The following GOSR1 variants were observed in gnomAD, a reference collection of about 807,000 sequenced individuals.
GOSR1 encodes the protein golgi SNAP receptor complex member 1.
Under a neutral mutation model 35.5 loss-of-function variants are expected in GOSR1, and 21 were observed. That is an observed-to-expected ratio of 0.59 (90% CI 0.42 to 0.85). The LOEUF (loss-of-function observed/expected upper bound fraction) is 0.85, where lower values mean the gene tolerates loss of function less well. Among genes scored for constraint, GOSR1 ranks in the 40% least tolerant of loss-of-function variants. GOSR1 has a pLI of 0.00. For missense variants in GOSR1, 285 were observed against 309.6 expected (o/e 0.92, Z 0.60); for synonymous variants, 94 against 106.6 (o/e 0.88, Z 0.73).
intron 1 of GOSR1, 182 bp downstream of exon 1, chr17:30,477,646 C>G: frequency 1.0e-6 from 1 of 984,874 alleles, no homozygotes; most frequent in Non-Finnish European, 1.2e-6. Flanking sequence ...GGGTAGGGGT[C>G]TGGCCTGGCC....
chr17:30,512,744 T>C (rs889319269), intron 7 of GOSR1, among the ~76,000 whole-genome samples: 1 of 152,244 alleles, frequency 6.6e-6, no homozygotes, highest in African/African-American at 2.4e-5. Flanking sequence ...AGGAATTCTT[T>C]ACTTAAAGTT....
intron 1 of GOSR1, chr17:30,478,520 A>G (rs985114396): frequency 6.6e-6 from 1 of 151,996 alleles, no homozygotes; most frequent in Non-Finnish European, 1.5e-5. Flanking sequence ...AACATGTATT[A>G]CAATGCCCAT....
chr17:30,487,806 T>C (rs974574472), intron 4 of GOSR1, among the ~76,000 whole-genome samples: 1 of 152,162 alleles, frequency 6.6e-6, no homozygotes, highest in Non-Finnish European at 1.5e-5. Flanking sequence ...CTCGCTCTGT[T>C]GTCCAGGCTG....
At position 30,525,448 on chromosome 17, in the gene GOSR1, A is replaced by G. The variant is rs1342005934; in HGVS notation, c.*3070A>G. 6.6e-6 allele frequency: 1 copy of G among 152,232 alleles called. No homozygotes were observed. The highest frequency in any genetic ancestry group is 1.5e-5 in the Non-Finnish European group (1 of 68,044). The allele number at this position is 152,232 out of a possible 1,614,324, so 9.4% of individuals were successfully genotyped here. A position where few individuals can be genotyped will look rare whatever the true frequency, so the allele number is the denominator to read the frequency against. On this transcript the variant is annotated 3_prime_UTR_variant, in exon 9 of 9. Coordinates refer to ENST00000451249, the MANE Select transcript of GOSR1 (RefSeq NM_001007025.2). Reference sequence around the variant, plus strand: ...GTGAACCTTAAATGATCAGAGAAGTAAGTTCATTGATTAAATTCTCTGTTG... The same window carrying G: ...GTGAACCTTAAATGATCAGAGAAGTGAGTTCATTGATTAAATTCTCTGTTG...
Position 30,488,183 on chromosome 17 carries a change from G to A in GOSR1, c.343-1943G>A, listed in dbSNP as rs1046251842. Among the ~76,000 whole-genome samples the A allele has an allele frequency of 1.1e-4, 5 of 44,278 alleles. No individual in the cohort carries two copies. In the East Asian group the frequency reaches 3.6e-3, roughly 32 times the overall value. The allele number at this position is 44,278 out of a possible 152,430, so 29.0% of individuals were successfully genotyped here. A position where few individuals can be genotyped will look rare whatever the true frequency, so the allele number is the denominator to read the frequency against. On this transcript the variant is annotated intron_variant, in intron 4 of 8. Coordinates refer to ENST00000451249, the MANE Select transcript of GOSR1 (RefSeq NM_001007025.2). The stretch of plus-strand genomic sequence containing the variant: ...AATATACTTTTTTTTTTTTTTTTTT[G>A]AGACAGAGTCTCACTCTGTCACCCA...
rs1020561491 is a variant in GOSR1 at position 30,522,965 on chromosome 17, G to C, written c.*587G>C. ...CGAGTGCCTGCAATTGCAGGCGAGCGCCGCCACGCCTGACTGCCTCGGCCT... is the reference window on the plus strand; with the variant it reads ...CGAGTGCCTGCAATTGCAGGCGAGCCCCGCCACGCCTGACTGCCTCGGCCT... On this transcript the variant is annotated 3_prime_UTR_variant, in exon 9 of 9. Coordinates refer to ENST00000451249, the MANE Select transcript of GOSR1 (RefSeq NM_001007025.2). 4.9e-6 allele frequency: 1 copy of C among 204,470 alleles called. No homozygotes were observed. The highest frequency in any genetic ancestry group is 9.6e-6 in the Non-Finnish European group (1 of 104,086). 12.7% of individuals were successfully genotyped at this position (204,470 alleles called of 1,614,324 possible).
chr17:30,484,112 C>A, intron 2 of GOSR1, 102 bp from the exon 3 acceptor site: 1 of 714,670 alleles, frequency 1.4e-6, no homozygotes, highest in South Asian at 1.6e-5. Flanking sequence ...TAACATAATC[C>A]ATAATTCATT....
chr17:30,489,516 TC>T (rs1914889008), intron 4 of GOSR1, among the ~76,000 whole-genome samples: 2 of 152,224 alleles, frequency 1.3e-5, no homozygotes, highest in African/African-American at 4.8e-5. Context: ...AATATTCTCC[TC>T]CATGTTTATG....
intron 6 of GOSR1, among the ~76,000 whole-genome samples, chr17:30,506,269 C>T (rs148939767): frequency 3.6e-3 from 552 of 152,334 alleles, no homozygotes; most frequent in African/African-American, 0.013. Flanking sequence ...AACTAGGCCT[C>T]TTGTGCCCGT....
chr17:30,524,374 G>A lies in GOSR1; in HGVS notation c.*1996G>A, dbSNP rs547455919. On this transcript the variant is annotated 3_prime_UTR_variant, in exon 9 of 9. Transcript: ENST00000451249. ...ATTCTGTTTTTCATAGATTCTTTGA[G>A]ATGCTGATGGACCAGCTTCAGCATG... 2 of 152,286 alleles carry A rather than the reference G, an allele frequency of 1.3e-5. No individual in the cohort carries two copies. Among genetic ancestry groups the A allele is most frequent in the African/African-American group, 4.8e-5 (2 of 41,544 alleles). 9.4% of individuals were successfully genotyped at this position (152,286 alleles called of 1,614,324 possible). A position where few individuals can be genotyped will look rare whatever the true frequency, so the allele number is the denominator to read the frequency against.
intron 7 of GOSR1, among the ~76,000 whole-genome samples, chr17:30,518,438 A>T (rs201224133): frequency 3.0e-4 from 6 of 20,198 alleles, no homozygotes; most frequent in Admixed American, 2.3e-3. Context: ...CTCTTGATTT[A>T]AAAAAAAAAA....
intron 6 of GOSR1, among the ~76,000 whole-genome samples, chr17:30,504,750 A>G (rs1221282921): frequency 6.6e-6 from 1 of 152,236 alleles, no homozygotes; most frequent in Non-Finnish European, 1.5e-5. Flanking sequence ...TTTTCTTTAT[A>G]TGTAATGACA....
intron 6 of GOSR1, among the ~76,000 whole-genome samples, chr17:30,494,997 G>C (rs1388422110): frequency 1.4e-5 from 2 of 145,254 alleles, no homozygotes; most frequent in East Asian, 4.1e-4. Flanking sequence ...GGCTTTTTCT[G>C]GCCAACATGG....
Position 30,505,163 on chromosome 17 carries a change from G to A in GOSR1, c.510-5717G>A, listed in dbSNP as rs115235523. ...TTGGAATTGGGTTTTTGTTATTGTC[G>A]TTTGGTACATTGGTCACTTTATAAA... On this transcript the variant is annotated intron_variant, in intron 6 of 8. Transcript: ENST00000451249. 2.6e-4 allele frequency among the ~76,000 whole-genome samples: 40 copies of A among 152,220 alleles called. 1 individual carries two copies. The East Asian group carries it at 5.6e-3, about 21-fold the overall frequency.
chr17:30,481,027 G>T (rs1466596646), intron 1 of GOSR1, 116 bp from the exon 2 acceptor site: 2 of 693,010 alleles, frequency 2.9e-6, no homozygotes, highest in East Asian at 2.8e-5. Context: ...TTTTCTTTAT[G>T]GGGGTAACAA....
At chr17:30,493,117 C>T (rs1164213680) in intron 6 of GOSR1, among the ~76,000 whole-genome samples, 1 of 152,058 alleles carries the variant, frequency 6.6e-6, no homozygotes, top group Non-Finnish European at 1.5e-5. Context: ...GCCTCAGCCT[C>T]CCAAGTAGCT....
chr17:30,512,538 C>T (rs1967652513), intron 7 of GOSR1, among the ~76,000 whole-genome samples: 1 of 152,024 alleles, frequency 6.6e-6, no homozygotes. Context: ...GAATATTTTC[C>T]ATCATTAATC....
intron 5 of GOSR1, among the ~76,000 whole-genome samples, chr17:30,491,652 C>T (rs1193263298): frequency 6.6e-6 from 1 of 151,110 alleles, no homozygotes; most frequent in East Asian, 1.9e-4. Flanking sequence ...GAGCAAGACT[C>T]TGTCTAAAAA....
intron 6 of GOSR1, among the ~76,000 whole-genome samples, chr17:30,495,187 C>CAAAAAAAAA (rs11369569): frequency 1.2e-5 from 1 of 81,340 alleles, no homozygotes; most frequent in African/African-American, 4.8e-5. Context: ...GACTCCGGCT[C>CAAAAAAAAA]AAAAAAAAAA....
Sources: allele counts gnomAD v4.1 joint callset (sites outside exome capture counted in the v4.1 genomes callset), GRCh38; gene constraint gnomAD v4.1.1; transcripts MANE v1.5; gene names NCBI Gene and HGNC (gene_info 2026-07-23, HGNC 2026-07-21).